Variants in CACNA2D3 observed in about 807,000 individuals in gnomAD.
The protein encoded by CACNA2D3 is voltage-dependent calcium channel subunit alpha-2/delta-3.
In CACNA2D3, 60 loss-of-function variants were observed where a neutral mutation model predicts 160.6. The ratio of observed to expected loss-of-function variants is 0.37; its 90% CI spans 0.30 to 0.46. The LOEUF is 0.46. CACNA2D3 is among the 20% of genes least tolerant of loss of function. The probability of loss-of-function intolerance (pLI) is 1.00; values close to 1 mark genes in which losing one functional copy is unlikely to be tolerated. For missense variants in CACNA2D3, 1,205 were observed against 1,365.0 expected (o/e 0.88, Z 1.85); for synonymous variants, 558 against 492.9 (o/e 1.13, Z -1.75).
chr3:54,475,542 T>A (rs1286121176), intron 4 of CACNA2D3, among the ~76,000 whole-genome samples: 1 of 152,140 alleles, frequency 6.6e-6, no homozygotes, highest in East Asian at 1.9e-4. Flanking sequence ...ATCAGTTTCT[T>A]TGGGTTCTTC....
chr3:54,887,774 C>T (rs1699959904), intron 23 of CACNA2D3, among the ~76,000 whole-genome samples, 185 bp from the exon 24 acceptor site: 2 of 152,160 alleles, frequency 1.3e-5, no homozygotes, highest in Admixed American at 6.5e-5. Flanking sequence ...TTTGGAGGCT[C>T]CTGTGTTGCA....
intron 13 of CACNA2D3, among the ~76,000 whole-genome samples, chr3:54,766,917 G>A (rs1283765565): frequency 6.7e-6 from 1 of 149,022 alleles, no homozygotes; most frequent in Non-Finnish European, 1.5e-5. Context: ...AGATAGATAT[G>A]TAATTACTTA....
chr3:54,791,135 CACATG>C lies in CACNA2D3; in HGVS notation c.1381-25714_1381-25710del, dbSNP rs533155425. 3.4e-3 allele frequency among the ~76,000 whole-genome samples: 520 copies of C among 152,266 alleles called. 7 individuals are homozygous for C. Among genetic ancestry groups the C allele is most frequent in the Middle Eastern group, 0.017 (5 of 294 alleles). The stretch of plus-strand genomic sequence containing the variant: ...CTCTGCTCACTCAGCAGAATGCCTC[CACATG>C]ACAGATGCCTGGGAAACATGTCCTA... On this transcript the variant is annotated intron_variant, in intron 13 of 37. Transcript: ENST00000474759.
intron 21 of CACNA2D3, among the ~76,000 whole-genome samples, chr3:54,884,931 A>G (rs114756993): frequency 1.3e-5 from 2 of 152,154 alleles, no homozygotes; most frequent in Admixed American, 6.5e-5. Context: ...CCGGTTCCCA[A>G]CTTAGACTAA....
At position 54,366,506 on chromosome 3, in the gene CACNA2D3, A is replaced by G. The variant is rs533919563; in HGVS notation, c.322-20209A>G. On this transcript the variant is annotated intron_variant, in intron 3 of 37. Coordinates refer to ENST00000474759, the MANE Select transcript of CACNA2D3 (RefSeq NM_018398.3). Reference sequence around the variant, plus strand: ...AAATACATTTTTCCTCTGATCAGAAAATGTTTAAACCCATTAGGATGCAAA... The same window carrying G: ...AAATACATTTTTCCTCTGATCAGAAGATGTTTAAACCCATTAGGATGCAAA... 7.2e-5 allele frequency among the ~76,000 whole-genome samples: 11 copies of G among 152,342 alleles called. No homozygotes were observed. In the South Asian group the frequency reaches 2.3e-3, roughly 32 times the overall value.
intron 3 of CACNA2D3, among the ~76,000 whole-genome samples, chr3:54,367,245 C>A (rs935713168): frequency 1.3e-5 from 2 of 152,020 alleles, no homozygotes; most frequent in African/African-American, 4.8e-5. Context: ...AAATTTTGTT[C>A]ACTAGACTCA....
Position 54,453,750 on chromosome 3 carries a change from C to T in CACNA2D3, c.382-49742C>T, listed in dbSNP as rs533631579. Among the ~76,000 whole-genome samples the T allele has an allele frequency of 3.9e-5, 6 of 152,272 alleles. No homozygotes were observed. In the East Asian group the frequency reaches 1.2e-3, roughly 29 times the overall value. ...GTCCATGTGGTTGTCCCCACCAGTT[C>T]CTCAACTGCTTATATGCCAGAGAAA... On this transcript the variant is annotated intron_variant, in intron 4 of 37. Coordinates refer to ENST00000474759, the MANE Select transcript of CACNA2D3 (RefSeq NM_018398.3).
Position 54,592,871 on chromosome 3 carries a change from G to GT in CACNA2D3, c.963+10995dup, listed in dbSNP as rs1299716699. Reference sequence around the variant, plus strand: ...CACCAGAGTTGCTGGATTTTCCCCAGTACTTTTCTTTCAGCCTGAGATTTG... The same window carrying GT: ...CACCAGAGTTGCTGGATTTTCCCCAGTTACTTTTCTTTCAGCCTGAGATTTG... On this transcript the variant is annotated intron_variant, in intron 9 of 37. Coordinates refer to ENST00000474759, the MANE Select transcript of CACNA2D3 (RefSeq NM_018398.3). Among the ~76,000 whole-genome samples the GT allele has an allele frequency of 2.0e-5, 3 of 152,122 alleles. No homozygotes were observed. In the East Asian group the frequency reaches 5.8e-4, roughly 29 times the overall value.
At chr3:55,056,641 C>A (rs922761538) in intron 35 of CACNA2D3, among the ~76,000 whole-genome samples, 9 of 152,128 alleles carry the variant, frequency 5.9e-5, no homozygotes, top group Admixed American at 5.2e-4. Flanking sequence ...GAAGGAAATT[C>A]TGTCATTTGC....
intron 9 of CACNA2D3, among the ~76,000 whole-genome samples, chr3:54,592,902 G>A (rs534064331): frequency 6.6e-6 from 1 of 152,242 alleles, no homozygotes; most frequent in East Asian, 1.9e-4. Flanking sequence ...ATTTGTCAAT[G>A]GAGGCACTCT....
At position 55,004,771 on chromosome 3, in the gene CACNA2D3, T is replaced by A; in HGVS notation, c.2699T>A (p.Leu900His). ...CCATTTCTTTCCTGTAGAATTACCCTTTATGACTACCAAGCCATGTGTAGA... is the reference window on the plus strand; with the variant it reads ...CCATTTCTTTCCTGTAGAATTACCCATTATGACTACCAAGCCATGTGTAGA... ...LTMGSFKRIT[L>H]YDYQAMCRAN... The change falls in exon 32 of 38, where the codon CTT (leucine) becomes CAT (histidine). Residue 900 changes from leucine to histidine, a missense_variant. This residue lies in a region of CACNA2D3 where 911 missense variants were observed against 1,002.2 expected (regional missense o/e 0.91). Coordinates refer to ENST00000474759, the MANE Select transcript of CACNA2D3 (RefSeq NM_018398.3). The A allele has an allele frequency of 6.2e-7, 1 of 1,613,102 alleles. No individual in the cohort carries two copies. Among genetic ancestry groups the A allele is most frequent in the Non-Finnish European group, 8.5e-7 (1 of 1,179,112 alleles).
intron 9 of CACNA2D3, chr3:54,626,756 C>T (rs1559531124): frequency 3.1e-6 from 2 of 643,484 alleles, no homozygotes; most frequent in East Asian, 2.7e-5. Context: ...GAAAGCAAAG[C>T]GAGGCCGTGG....
intron 9 of CACNA2D3, among the ~76,000 whole-genome samples, chr3:54,596,815 CCTT>C (rs2106765509): frequency 6.6e-6 from 1 of 152,272 alleles, no homozygotes; most frequent in South Asian, 2.1e-4. Flanking sequence ...CTCCCACACT[CCTT>C]CTTCGCCTGG....
intron 5 of CACNA2D3, among the ~76,000 whole-genome samples, chr3:54,551,985 T>C (rs1702165679): frequency 6.6e-6 from 1 of 152,200 alleles, no homozygotes; most frequent in Non-Finnish European, 1.5e-5. Context: ...TTAGTGAATA[T>C]TAGCTTAACT....
chr3:54,142,539 C>G (rs1195920390), intron 2 of CACNA2D3, among the ~76,000 whole-genome samples: 1 of 152,098 alleles, frequency 6.6e-6, no homozygotes, highest in African/African-American at 2.4e-5. Context: ...GTTTCGAGGC[C>G]CTTTTCTCAT....
intron 32 of CACNA2D3, 42 bp from the exon 33 acceptor site, chr3:55,007,748 G>T (rs776896790): frequency 2.3e-6 from 3 of 1,311,638 alleles, no homozygotes; most frequent in Admixed American, 5.2e-5. Context: ...CAAATTTTGT[G>T]TGCACTACAT....
At chr3:54,913,034 G>A (rs879912537) in intron 27 of CACNA2D3, among the ~76,000 whole-genome samples, 8 of 152,040 alleles carry the variant, frequency 5.3e-5, no homozygotes, top group African/African-American at 7.2e-5. Flanking sequence ...TATTGCTCTC[G>A]TCCTTGACAC....
chr3:54,509,291 T>TTGTG (rs10586548), intron 5 of CACNA2D3, among the ~76,000 whole-genome samples: 1 of 150,964 alleles, frequency 6.6e-6, no homozygotes, highest in Admixed American at 6.6e-5. Context: ...GTGTGTGTGT[T>TTGTG]TGTGTGTGTG....
chr3:54,879,549 G>A (rs1052600433), intron 20 of CACNA2D3, 138 bp downstream of exon 20: 1 of 640,316 alleles, frequency 1.6e-6, no homozygotes, highest in Non-Finnish European at 2.6e-6. Flanking sequence ...TGAGGAAGGG[G>A]CTTTTCCCAG....
Sources: allele counts gnomAD v4.1 joint callset (sites outside exome capture counted in the v4.1 genomes callset), GRCh38; gene constraint gnomAD v4.1.1; regional missense constraint gnomAD v4.1.1; transcripts MANE v1.5; gene names NCBI Gene and HGNC (gene_info 2026-07-23, HGNC 2026-07-21).